The following SNTG1 variants were observed in gnomAD, a reference collection of about 807,000 sequenced individuals.
The protein encoded by SNTG1 is syntrophin gamma 1, also known as gamma-1-syntrophin.
A neutral mutation model predicts 74.7 loss-of-function variants in SNTG1; 39 were observed. The observed-to-expected ratio is 0.52, with a 90% CI of 0.40 to 0.68. The LOEUF (loss-of-function observed/expected upper bound fraction) is 0.68. SNTG1 is among the 30% of genes least tolerant of loss of function. SNTG1 has a pLI of 0.00. For synonymous variants in SNTG1, 254 were observed against 217.1 expected (o/e 1.17, Z -1.49); for missense variants, 685 against 609.5 (o/e 1.12, Z -1.30).
rs149677222 is a variant in SNTG1, at chr8:50,253,205, C to T, written c.-28+80570C>T. The stretch of plus-strand genomic sequence containing the variant: ...TTGGGAGGCTGAGGTGGGTGGATCA[C>T]CTGAGGCCAGGAGTTCAAGACCATC... On this transcript the variant is annotated intron_variant, in intron 2 of 18. Transcript: ENST00000642720. 1.2e-4 allele frequency among the ~76,000 whole-genome samples: 19 copies of T among 152,182 alleles called. No homozygotes were observed. The East Asian group carries it at 3.3e-3, about 26-fold the overall frequency.
At chr8:50,463,235 C>G (rs982235101) in intron 8 of SNTG1, among the ~76,000 whole-genome samples, 1 of 152,080 alleles carries the variant, frequency 6.6e-6, no homozygotes, top group African/African-American at 2.4e-5. Flanking sequence ...TTTCCAAACT[C>G]CTGTTAATGT....
chr8:49,967,417 C>T (rs972522969), intron 1 of SNTG1, among the ~76,000 whole-genome samples: 1 of 152,134 alleles, frequency 6.6e-6, no homozygotes, highest in East Asian at 1.9e-4. Flanking sequence ...AGACTGTGAA[C>T]TTTTCTGTAT....
intron 1 of SNTG1, among the ~76,000 whole-genome samples, chr8:50,001,713 C>T (rs1198690779): frequency 1.3e-5 from 2 of 152,176 alleles, no homozygotes; most frequent in African/African-American, 4.8e-5. Flanking sequence ...CCAATAACTT[C>T]CCTCTGAGAA....
rs60704745 is a variant in SNTG1, at chr8:50,545,491, A to AATAT, written c.681-7546_681-7543dup. On this transcript the variant is annotated intron_variant, in intron 11 of 18. Coordinates refer to ENST00000642720, the MANE Select transcript of SNTG1 (RefSeq NM_018967.5). ...TATAATATTATATACATGTTATATAAATATATATATATATATTTGAATTTG... is the reference window on the plus strand; with the variant it reads ...TATAATATTATATACATGTTATATAAATATATATATATATATATATTTGAATTTG... 2.6e-3 allele frequency among the ~76,000 whole-genome samples: 384 copies of AATAT among 147,012 alleles called. 4 individuals are homozygous for AATAT. Among genetic ancestry groups the AATAT allele is most frequent in the African/African-American group, 8.7e-3 (353 of 40,414 alleles).
chr8:50,660,622 A>T (rs374755983), intron 15 of SNTG1, among the ~76,000 whole-genome samples: 1 of 152,100 alleles, frequency 6.6e-6, no homozygotes, highest in African/African-American at 2.4e-5. Context: ...ATAACGCAAC[A>T]CATATTTATA....
chr8:50,086,354 A>G (rs1402920295), intron 1 of SNTG1, among the ~76,000 whole-genome samples: 1 of 152,196 alleles, frequency 6.6e-6, no homozygotes, highest in African/African-American at 2.4e-5. Flanking sequence ...GGAAGCTATA[A>G]TTGAGTAAAC....
chr8:49,957,825 G>T (rs571233952), intron 1 of SNTG1, among the ~76,000 whole-genome samples: 6 of 152,078 alleles, frequency 3.9e-5, no homozygotes, highest in African/African-American at 1.2e-4. Flanking sequence ...TAAAAGCCAG[G>T]CATGGTGGTG....
chr8:50,099,362 T>C (rs1586263228), intron 1 of SNTG1, among the ~76,000 whole-genome samples: 1 of 152,246 alleles, frequency 6.6e-6, no homozygotes, highest in East Asian at 1.9e-4. Context: ...AAACCAAATT[T>C]GTGATTATTC....
rs1267799945 is a variant in SNTG1 at position 50,704,660 on chromosome 8, G to T, written c.1099G>T (p.Asp367Tyr). ...CACCGTGCAGTCTGAGTCTGGGGAG[G>T]ACCTGTACTTCTCAGTGGAGCTGGA... is the stretch of plus-strand genomic sequence containing the variant. Reference protein sequence around the residue: ...CFTVQSESGEDLYFSVELESD... With the variant: ...CFTVQSESGEYLYFSVELESD... Residue 367 changes from aspartate (D) to tyrosine (Y), a missense_variant, in exon 16 of 19, where the codon GAC becomes TAC. Physicochemically the swap from Asp to Tyr is radical, Grantham distance 160 (BLOSUM62 -3). Transcript: ENST00000642720. 2 of 1,614,090 alleles carry T rather than the reference G, an allele frequency of 1.2e-6. No homozygotes were observed. The highest frequency in any genetic ancestry group is 1.7e-6 in the Non-Finnish European group (2 of 1,180,016).
chr8:50,266,352 C>T (rs1171560892), intron 2 of SNTG1, among the ~76,000 whole-genome samples: 1 of 151,986 alleles, frequency 6.6e-6, no homozygotes, highest in Non-Finnish European at 1.5e-5. Flanking sequence ...TTCTTTTCAG[C>T]AACTTATCCT....
intron 18 of SNTG1, among the ~76,000 whole-genome samples, chr8:50,752,601 T>A (rs909264603): frequency 1.3e-5 from 2 of 151,954 alleles, no homozygotes; most frequent in African/African-American, 4.8e-5. Flanking sequence ...ATTATCCCAG[T>A]ATAGAGAAAA....
At chr8:50,533,464 A>G (rs965830722) in intron 10 of SNTG1, among the ~76,000 whole-genome samples, 5 of 152,208 alleles carry the variant, frequency 3.3e-5, no homozygotes, top group African/African-American at 1.2e-4. Context: ...AGGAAACAAC[A>G]TTCTTGACAT....
intron 18 of SNTG1, among the ~76,000 whole-genome samples, chr8:50,783,671 C>T (rs2095666690): frequency 6.6e-6 from 1 of 152,198 alleles, no homozygotes; most frequent in African/African-American, 2.4e-5. Flanking sequence ...ATGCCTTGCC[C>T]TGCTTCGGCT....
In SNTG1 at chr8:49,961,945, G is replaced by A. The variant is rs548491438; in HGVS notation, c.-103+49714G>A. 8.5e-5 allele frequency among the ~76,000 whole-genome samples: 13 copies of A among 152,300 alleles called. No homozygotes were observed. The South Asian group carries it at 2.5e-3, about 29-fold the overall frequency. On this transcript the variant is annotated intron_variant, in intron 1 of 18. Coordinates refer to ENST00000642720, the MANE Select transcript of SNTG1 (RefSeq NM_018967.5). ...TCTTTTCTACTGGCTTTACAAAAGG[G>A]ATTTGTAATTGACTTTCAGGGAGTT...
At chr8:50,525,696 T>C (rs982303832) in intron 9 of SNTG1, among the ~76,000 whole-genome samples, 10 of 152,088 alleles carry the variant, frequency 6.6e-5, no homozygotes, top group Non-Finnish European at 1.5e-4. Context: ...AGAATTTCTG[T>C]GTGGGTTTCT....
chr8:50,555,095 G>A (rs1303266541), intron 12 of SNTG1, among the ~76,000 whole-genome samples: 1 of 152,110 alleles, frequency 6.6e-6, no homozygotes, highest in Non-Finnish European at 1.5e-5. Flanking sequence ...AGATGCAAAT[G>A]TCTCTACCCT....
chr8:50,475,248 A>T (rs115954880), intron 8 of SNTG1, among the ~76,000 whole-genome samples: 5,118 of 149,546 alleles, frequency 0.034, 216 homozygotes, highest in African/African-American at 0.099. Flanking sequence ...ATAATAATAA[A>T]AAAGAGCATG....
At chr8:50,045,004 G>T (rs1424502240) in intron 1 of SNTG1, among the ~76,000 whole-genome samples, 2 of 152,226 alleles carry the variant, frequency 1.3e-5, no homozygotes, top group Non-Finnish European at 2.9e-5. Context: ...AAGAGATTGA[G>T]ACAGACTGAG....
chr8:50,446,967 TAAC>T (rs1485631957), intron 5 of SNTG1, among the ~76,000 whole-genome samples: 20 of 152,178 alleles, frequency 1.3e-4, no homozygotes, highest in Admixed American at 1.3e-3. Flanking sequence ...AGTAAAATAT[TAAC>T]AATAACTAAT....
Sources: allele counts gnomAD v4.1 joint callset (sites outside exome capture counted in the v4.1 genomes callset), GRCh38; gene constraint gnomAD v4.1.1; transcripts MANE v1.5; gene names NCBI Gene and HGNC (gene_info 2026-07-23, HGNC 2026-07-21).